Variants in HEXIM2 observed in about 807,000 individuals in gnomAD.
HEXIM2 encodes protein HEXIM2.
For synonymous variants in HEXIM2, 159 were observed against 162.7 expected, an observed-to-expected ratio of 0.98 and a Z score of 0.17; for missense variants, 413 against 390.8, an observed-to-expected ratio of 1.06 and a Z score of -0.48.
intron 3 of HEXIM2, among the ~76,000 whole-genome samples, chr17:45,163,437 A>G (rs1352660651): frequency 1.3e-5 from 2 of 151,940 alleles, no homozygotes; most frequent in Non-Finnish European, 2.9e-5. Flanking sequence ...GAATCATGCT[A>G]TCTACAAGCA....
In HEXIM2 at chr17:45,169,016, C is replaced by T. The variant is rs753750323; in HGVS notation, c.68C>T (p.Thr23Ile). ...CTTCTTCCTCCTCCCTCTCTTTAGA[C>T]CTCTGGTGCCCCGGGGAGCCCCCAA... ...ESPVALEEAK[T>I]SGAPGSPQTP... The change falls in exon 4 of 4, where the codon ACC (threonine) becomes ATC (isoleucine). Residue 23 changes from threonine to isoleucine, a missense_variant and splice_region_variant. By Grantham distance (89) the Thr-to-Ile change is moderately conservative. Transcript: ENST00000589230. 1.9e-6 allele frequency: 3 copies of T among 1,604,958 alleles called. No individual in the cohort carries two copies. The highest frequency in any genetic ancestry group is 2.7e-5 in the African/African-American group (2 of 74,790).
chr17:45,168,865 T>G, intron 3 of HEXIM2, 150 bp from the exon 4 acceptor site: 1 of 760,290 alleles, frequency 1.3e-6, no homozygotes, highest in East Asian at 2.5e-5. Context: ...GGTCTCTTTG[T>G]AAACAAATGG....
chr17:45,161,006 T>C (rs1389737231), upstream of HEXIM2: 4 of 1,238,078 alleles, frequency 3.2e-6, no homozygotes, highest in South Asian at 1.3e-5. Flanking sequence ...CGCCGACTTG[T>C]GGCCAGACCT....
chr17:45,162,699 G>A, intron 2 of HEXIM2, 51 bp from the exon 3 acceptor site: 1 of 1,602,528 alleles, frequency 6.2e-7, no homozygotes, highest in South Asian at 1.1e-5. Context: ...GGCAGCCAGA[G>A]TATTCCTGAC....
At chr17:45,164,804 T>C (rs1205855552) in intron 3 of HEXIM2, among the ~76,000 whole-genome samples, 2 of 152,154 alleles carry the variant, frequency 1.3e-5, no homozygotes, top group African/African-American at 2.4e-5. Flanking sequence ...CATTCTTCCT[T>C]AGTCCACGAC....
At chr17:45,168,410 G>A (rs1304772714) in intron 3 of HEXIM2, among the ~76,000 whole-genome samples, 3 of 151,674 alleles carry the variant, frequency 2.0e-5, no homozygotes, top group Admixed American at 1.3e-4. Context: ...GGAGGCAGAG[G>A]TTACAGTGAG....
At chr17:45,160,909 C>G (rs937690797), upstream of HEXIM2, 16 of 1,289,590 alleles carry the variant, frequency 1.2e-5, no homozygotes, top group Non-Finnish European at 1.6e-5. Context: ...TTTTTCGCAA[C>G]CCGGGCGGCG....
chr17:45,168,856 G>C (rs544865726), intron 3 of HEXIM2, 159 bp from the exon 4 acceptor site: 2 of 724,196 alleles, frequency 2.8e-6, no homozygotes, highest in South Asian at 1.8e-5. Flanking sequence ...CAGTAGACAG[G>C]TCTCTTTGTA....
upstream of HEXIM2, chr17:45,160,675 A>G (rs1487735958): frequency 5.7e-6 from 2 of 352,028 alleles, no homozygotes; most frequent in Non-Finnish European, 5.7e-6. Context: ...CCTTCGGTGT[A>G]AACTTTCAAG....
chr17:45,169,503 C>A lies in HEXIM2; in HGVS notation c.555C>A (p.His185Gln), dbSNP rs1215092263. Residue 185 changes from histidine (H) to glutamine (Q), a missense_variant, in exon 4 of 4, where the codon CAC becomes CAA. His to Gln is a conservative substitution (Grantham distance 24, BLOSUM62 0). Transcript: ENST00000589230. ...AGDSDGRGRA[H>Q]GEFQRKDFSE... Reference sequence around the variant, plus strand: ...ACAGTGATGGGCGGGGCCGAGCGCACGGTGAGTTCCAGCGGAAGGACTTCT... The same window carrying A: ...ACAGTGATGGGCGGGGCCGAGCGCAAGGTGAGTTCCAGCGGAAGGACTTCT... The A allele has an allele frequency of 1.2e-6, 2 of 1,609,898 alleles. No homozygotes were observed. The highest frequency in any genetic ancestry group is 4.5e-5 in the East Asian group (2 of 44,720).
chr17:45,166,088 C>T (rs1298910386), intron 3 of HEXIM2, among the ~76,000 whole-genome samples: 2 of 152,160 alleles, frequency 1.3e-5, no homozygotes, highest in South Asian at 2.1e-4. Context: ...TGAGCCACCA[C>T]GCCCGGCCCG....
chr17:45,162,957 A>G, intron 3 of HEXIM2, 98 bp downstream of exon 3: 1 of 845,762 alleles, frequency 1.2e-6, no homozygotes, highest in Middle Eastern at 3.4e-4. Flanking sequence ...AGATTTGGAA[A>G]ACCAGTATTT....
chr17:45,169,854 G>A lies in HEXIM2; in HGVS notation c.*45G>A, dbSNP rs2042981574. ...GGACCCAAGGAGAAGGTCCCATTTC[G>A]TGCACACTCAGGCCAGCTGGGTCTC... On this transcript the variant is annotated 3_prime_UTR_variant, in exon 4 of 4. Coordinates refer to ENST00000589230, the MANE Select transcript of HEXIM2 (RefSeq NM_001303441.2). 2.1e-6 allele frequency: 3 copies of A among 1,409,812 alleles called. No homozygotes were observed. Among genetic ancestry groups the A allele is most frequent in the Non-Finnish European group, 2.8e-6 (3 of 1,082,168 alleles). 87.3% of individuals were successfully genotyped at this position (1,409,812 alleles called of 1,614,324 possible).
chr17:45,160,359 T>A (rs540691882), upstream of HEXIM2, among the ~76,000 whole-genome samples: 29 of 152,248 alleles, frequency 1.9e-4, no homozygotes, highest in African/African-American at 6.7e-4. Flanking sequence ...TGAGGTTACC[T>A]AGTAACAATG....
chr17:45,166,178 G>A (rs181797689), intron 3 of HEXIM2, among the ~76,000 whole-genome samples: 9 of 152,138 alleles, frequency 5.9e-5, no homozygotes, highest in African/African-American at 1.2e-4. Flanking sequence ...AGGCTGGAGC[G>A]CAGTGGCGCA....
At position 45,169,216 on chromosome 17, in the gene HEXIM2, A is replaced by G. The variant is rs758705838; in HGVS notation, c.268A>G (p.Lys90Glu). ...CSAEAVLARKKHRRRPSKRKR... is the reference protein window; with the variant it reads ...CSAEAVLARKEHRRRPSKRKR... ...AGCGGAGGCTGTGCTGGCCCGGAAG[A>G]AACACCGTCGGCGGCCATCGAAGCG... Residue 90 changes from lysine (K) to glutamate (E), a missense_variant, in exon 4 of 4, where the codon AAA (lysine) becomes GAA (glutamate). Physicochemically the swap from Lys to Glu is moderately conservative, Grantham distance 56. Coordinates refer to ENST00000589230, the MANE Select transcript of HEXIM2 (RefSeq NM_001303441.2). The G allele has an allele frequency of 6.2e-7, 1 of 1,613,554 alleles. No homozygotes were observed. The highest frequency in any genetic ancestry group is 8.5e-7 in the Non-Finnish European group (1 of 1,180,022).
intron 1 of HEXIM2, 83 bp from the exon 2 acceptor site, chr17:45,162,405 C>T (rs2042723485): frequency 5.8e-6 from 6 of 1,030,534 alleles, no homozygotes; most frequent in Non-Finnish European, 5.9e-6. Flanking sequence ...CCCAGGCAGT[C>T]CTCCTTTGCC....
intron 3 of HEXIM2, among the ~76,000 whole-genome samples, chr17:45,165,053 G>A (rs2042802070): frequency 1.3e-5 from 2 of 152,120 alleles, no homozygotes; most frequent in Non-Finnish European, 2.9e-5. Flanking sequence ...GGTGAGGGTG[G>A]AGGATCAATA....
upstream of HEXIM2, chr17:45,161,868 C>A (rs560972456): frequency 5.1e-6 from 5 of 985,796 alleles, no homozygotes; most frequent in Non-Finnish European, 6.0e-6. Context: ...CACCGCGCGT[C>A]CAGGCTCTCT....
Sources: gnomAD v4.1 joint callset for allele counts (sites outside exome capture counted in the v4.1 genomes callset) on GRCh38, gnomAD v4.1.1 for gene constraint, MANE v1.5 for transcripts, NCBI Gene and HGNC (gene_info 2026-07-23, HGNC 2026-07-21) for gene names.